The following SH3PXD2A variants were observed in gnomAD, a reference collection of about 807,000 sequenced individuals.
SH3PXD2A encodes the protein SH3 and PX domains 2A, also known as SH3 and PX domain-containing protein 2A.
Under a neutral mutation model 115.2 loss-of-function variants are expected in SH3PXD2A, and 32 were observed. The observed-to-expected ratio is 0.28, with a 90% confidence interval of 0.21 to 0.37. SH3PXD2A has a LOEUF of 0.37. Ranked by LOEUF, SH3PXD2A falls within the 10% of genes least tolerant of loss-of-function variation. The probability of loss-of-function intolerance (pLI) is 1.00; values close to 1 mark genes in which losing one functional copy is unlikely to be tolerated. For missense variants in SH3PXD2A, 1,328 were observed against 1,498.7 expected, an observed-to-expected ratio of 0.89 and a Z score of 1.88; for synonymous variants, 610 against 629.1, an observed-to-expected ratio of 0.97 and a Z score of 0.45.
At chr10:103,832,990 C>G (rs1217995822) in intron 1 of SH3PXD2A, among the ~76,000 whole-genome samples, 1 of 152,156 alleles carries the variant, frequency 6.6e-6, no homozygotes, top group African/African-American at 2.4e-5. Context: ...GTGGTTACAC[C>G]ACTTAAAATT....
In SH3PXD2A at chr10:103,612,999, G is replaced by T; in HGVS notation, c.1112C>A (p.Ala371Asp). The change falls in exon 12 of 15, where the codon GCC (alanine) becomes GAC (aspartate). Residue 371 changes from alanine to aspartate, a missense_variant. Around this residue, in one of 5 missense-constraint regions of SH3PXD2A, gnomAD observed 509 missense variants for 628.3 expected, o/e 0.81. Coordinates refer to ENST00000369774, the MANE Select transcript of SH3PXD2A (RefSeq NM_001394015.1). ...TPPAEGEGHE[A>D]PIAKKEISLP... ...GCTGATCTCCTTCTTGGCAATGGGGGCCTCATGGCCCTCGCCTTCGGCTGG... is the reference window on the plus strand; with the variant it reads ...GCTGATCTCCTTCTTGGCAATGGGGTCCTCATGGCCCTCGCCTTCGGCTGG... 1 of 1,614,244 alleles carries T rather than the reference G, an allele frequency of 6.2e-7. No homozygotes were observed.
chr10:103,722,871 C>T (rs2038198963), intron 5 of SH3PXD2A, among the ~76,000 whole-genome samples: 2 of 152,192 alleles, frequency 1.3e-5, no homozygotes. Flanking sequence ...TTGTTTCTTG[C>T]CTGAGGCAGC....
intron 5 of SH3PXD2A, chr10:103,693,548 C>G (rs2037787895): frequency 6.6e-6 from 1 of 152,172 alleles, no homozygotes; most frequent in Non-Finnish European, 1.5e-5. Flanking sequence ...CTACTCAGCC[C>G]GTAAGTCACT....
chr10:103,815,161 G>A (rs927346), intron 1 of SH3PXD2A, among the ~76,000 whole-genome samples: 139,338 of 152,210 alleles, frequency 0.92, 64,001 homozygotes, highest in Non-Finnish European at 0.95. Flanking sequence ...AAGGGTTTCT[G>A]AGACATGACA....
At chr10:103,767,434 G>A (rs1016798270) in intron 2 of SH3PXD2A, among the ~76,000 whole-genome samples, 13 of 152,308 alleles carry the variant, frequency 8.5e-5, no homozygotes, top group Admixed American at 3.3e-4. Context: ...AGATGACCCC[G>A]AGCAAGGCTG....
At chr10:103,728,894 T>TTG (rs1357370367) in intron 4 of SH3PXD2A, among the ~76,000 whole-genome samples, 1 of 133,392 alleles carries the variant, frequency 7.5e-6, no homozygotes, top group African/African-American at 3.1e-5. Context: ...TGTTTGTTTG[T>TTG]TTGTTTTTTT....
At chr10:103,623,929 T>C (rs796475541) in intron 9 of SH3PXD2A, among the ~76,000 whole-genome samples, 12 of 152,342 alleles carry the variant, frequency 7.9e-5, no homozygotes, top group African/African-American at 2.9e-4. Context: ...CAGTAAGGTG[T>C]TGATGTCGGC....
chr10:103,672,082 C>T (rs976138188), intron 6 of SH3PXD2A, among the ~76,000 whole-genome samples: 2 of 152,132 alleles, frequency 1.3e-5, no homozygotes, highest in African/African-American at 4.8e-5. Flanking sequence ...GTTAGGAGTT[C>T]GAGACCAGCC....
chr10:103,650,560 T>C (rs2037103721), intron 8 of SH3PXD2A, among the ~76,000 whole-genome samples: 2 of 152,152 alleles, frequency 1.3e-5, no homozygotes, highest in South Asian at 4.1e-4. Flanking sequence ...ACATGCATCA[T>C]TCAGGTTCAC....
At chr10:103,802,174 G>C (rs1036683544) in intron 1 of SH3PXD2A, among the ~76,000 whole-genome samples, 1 of 152,286 alleles carries the variant, frequency 6.6e-6, no homozygotes, top group South Asian at 2.1e-4. Context: ...TGCTACTGTG[G>C]ATCCTCAGAA....
chr10:103,761,238 T>C (rs752224527), intron 3 of SH3PXD2A, among the ~76,000 whole-genome samples: 9 of 152,168 alleles, frequency 5.9e-5, no homozygotes, highest in Non-Finnish European at 1.2e-4. Context: ...TTACATAAGA[T>C]GTTACCATTG....
At chr10:103,804,467 A>G (rs564533273) in intron 1 of SH3PXD2A, among the ~76,000 whole-genome samples, 4 of 151,454 alleles carry the variant, frequency 2.6e-5, no homozygotes, top group Non-Finnish European at 4.4e-5. Context: ...GACTGCAGGC[A>G]CCCGCCACCA....
intron 2 of SH3PXD2A, among the ~76,000 whole-genome samples, chr10:103,767,743 CGCT>C (rs897053191): frequency 1.3e-5 from 2 of 149,296 alleles, no homozygotes; most frequent in Non-Finnish European, 2.9e-5. Context: ...ACCCTGAGGT[CGCT>C]GCTGTTTTTC....
intron 2 of SH3PXD2A, among the ~76,000 whole-genome samples, chr10:103,769,820 A>C (rs1345763213): frequency 6.6e-6 from 1 of 152,214 alleles, no homozygotes; most frequent in African/African-American, 2.4e-5. Context: ...ATAACACTCT[A>C]AACAGGATTT....
intron 2 of SH3PXD2A, among the ~76,000 whole-genome samples, chr10:103,795,903 A>AAAGG (rs747408854): frequency 0.1 from 12,169 of 119,904 alleles, 822 homozygotes; most frequent in African/African-American, 0.13. Context: ...GGAGGGAGGA[A>AAAGG]AAGGAAGGAA....
At chr10:103,664,670 CTTTT>C (rs34460765) in intron 7 of SH3PXD2A, among the ~76,000 whole-genome samples, 1 of 142,034 alleles carries the variant, frequency 7.0e-6, no homozygotes. Context: ...CTTTCTCTCT[CTTTT>C]TTTTTTTTTT....
intron 1 of SH3PXD2A, among the ~76,000 whole-genome samples, chr10:103,849,686 C>G (rs560363150): frequency 1.7e-4 from 26 of 152,344 alleles, no homozygotes; most frequent in African/African-American, 4.1e-4. Context: ...TCTGGGAATC[C>G]GCCTCTGGAA....
intron 5 of SH3PXD2A, among the ~76,000 whole-genome samples, chr10:103,714,672 G>A (rs914115389): frequency 3.9e-5 from 6 of 152,318 alleles, no homozygotes; most frequent in African/African-American, 4.8e-5. Context: ...TTTATCTAAC[G>A]TTCTGTTCCC....
At chr10:103,775,184 A>G (rs2038866206) in intron 2 of SH3PXD2A, among the ~76,000 whole-genome samples, 1 of 152,210 alleles carries the variant, frequency 6.6e-6, no homozygotes. Flanking sequence ...CAGGGAGCCC[A>G]TTCCAGGTTC....
Sources: gnomAD v4.1 joint callset for allele counts (sites outside exome capture counted in the v4.1 genomes callset) on GRCh38, gnomAD v4.1.1 for gene constraint, gnomAD v4.1.1 regional missense constraint, MANE v1.5 for transcripts, NCBI Gene and HGNC (gene_info 2026-07-23, HGNC 2026-07-21) for gene names.